CAPN3: variants seen among roughly 807,000 people sequenced by gnomAD.
CAPN3 encodes calpain-3.
Under a neutral mutation model 114.0 loss-of-function variants are expected in CAPN3, and 88 were observed. The ratio of observed to expected loss-of-function variants is 0.77; its 90% CI spans 0.65 to 0.92. The LOEUF is 0.92. Among genes scored for constraint, CAPN3 ranks in the 40% least tolerant of loss-of-function variants. The pLI, the probability that CAPN3 is intolerant of heterozygous loss-of-function variation, is 0.00. For missense variants in CAPN3, 1,028 were observed against 1,069.0 expected (o/e 0.96, Z 0.53); for synonymous variants, 386 against 382.9 (o/e 1.01, Z -0.09).
intron 5 of CAPN3, 124 bp from the exon 6 acceptor site, chr15:42,389,829 G>T: frequency 1.9e-6 from 2 of 1,052,206 alleles, no homozygotes; most frequent in Admixed American, 1.9e-5. Flanking sequence ...TTCGTGCTCT[G>T]TTGATCTCTC....
At chr15:42,410,767 G>C (rs2054192750) in intron 21 of CAPN3, 101 bp downstream of exon 21, 1 of 1,364,070 alleles carries the variant, frequency 7.3e-7, no homozygotes, top group South Asian at 1.2e-5. Flanking sequence ...AAAGGAGAGG[G>C]AAAGGGCTTC....
chr15:42,375,228 C>G (rs2053058196), intron 1 of CAPN3, among the ~76,000 whole-genome samples: 2 of 151,602 alleles, frequency 1.3e-5, no homozygotes, highest in Admixed American at 1.3e-4. Flanking sequence ...CTCACAGTTT[C>G]CGGGAGAGTT....
intron 1 of CAPN3, among the ~76,000 whole-genome samples, chr15:42,370,362 AAGT>A (rs2052911688): frequency 2.6e-5 from 4 of 152,212 alleles, no homozygotes; most frequent in Admixed American, 2.6e-4. Context: ...ACACAAAAAA[AAGT>A]TACTCCATGC....
rs1032500753 is a variant in CAPN3, at chr15:42,409,441, C to G, written c.1992+61C>G. 4.9e-6 allele frequency: 7 copies of G among 1,420,534 alleles called. No individual in the cohort carries two copies. In the East Asian group the frequency reaches 1.1e-4, roughly 23 times the overall value. The allele number at this position is 1,420,534 out of a possible 1,614,324, so 88.0% of individuals were successfully genotyped here. A position where few individuals can be genotyped will look rare whatever the true frequency, so the allele number is the denominator to read the frequency against. On this transcript the variant is annotated intron_variant, in intron 17 of 23. Coordinates refer to ENST00000397163, the MANE Select transcript of CAPN3 (RefSeq NM_000070.3). ...TTCCTTCTCTCCTGGATTAACTGCT[C>G]AGATTACCAATTATTTCATTATTGT... is the stretch of plus-strand genomic sequence containing the variant.
rs200379491 is a variant in CAPN3, at chr15:42,410,432, A to T, written c.2120A>T (p.Asp707Val). ...CRSMIALMDT[D>V]GSGKLNLQEF... is the part of the protein sequence containing the mutation. ...GCCCTGACCTCCCTCCTCCAGACAG[A>T]TGGCTCTGGAAAGCTCAACCTGCAG... Residue 707 changes from aspartate to valine, a missense_variant, in exon 20 of 24, where the codon GAT (aspartate) becomes GTT (valine). Asp to Val is a radical substitution (Grantham distance 152). Coordinates refer to ENST00000397163, the MANE Select transcript of CAPN3 (RefSeq NM_000070.3). 1.2e-6 allele frequency: 2 copies of T among 1,614,114 alleles called. No individual in the cohort carries two copies. The highest frequency in any genetic ancestry group is 1.7e-6 in the Non-Finnish European group (2 of 1,179,984).
At chr15:42,411,628 T>A (rs1414742685) in intron 23 of CAPN3, 119 bp from the exon 24 acceptor site, 2 of 746,902 alleles carry the variant, frequency 2.7e-6, no homozygotes, top group Non-Finnish European at 4.9e-6. Flanking sequence ...TGGAAAATCT[T>A]CTGGGGGTCT....
chr15:42,381,872 C>T (rs773016402), intron 1 of CAPN3, among the ~76,000 whole-genome samples: 3 of 152,138 alleles, frequency 2.0e-5, no homozygotes, highest in Admixed American at 6.6e-5. Flanking sequence ...TAACGAAATA[C>T]TGACTACTTA....
At chr15:42,369,224 G>A (rs2052868950) in intron 1 of CAPN3, among the ~76,000 whole-genome samples, 2 of 152,250 alleles carry the variant, frequency 1.3e-5, no homozygotes, top group East Asian at 1.9e-4. Flanking sequence ...TTTATCTTAC[G>A]GTTGGAATGT....
chr15:42,403,881 G>A (rs1169125375), intron 14 of CAPN3, 104 bp downstream of exon 14: 2 of 1,032,686 alleles, frequency 1.9e-6, no homozygotes, highest in Admixed American at 1.7e-5. Context: ...CAGAGGGAAT[G>A]GGAGTCTGGG....
intron 8 of CAPN3, 78 bp downstream of exon 8, chr15:42,394,419 T>C: frequency 8.9e-7 from 1 of 1,119,322 alleles, no homozygotes; most frequent in South Asian, 1.3e-5. Flanking sequence ...AACTGAGCCA[T>C]GAGAGTATTG....
chr15:42,394,226 G>C lies in CAPN3; in HGVS notation c.1030-30G>C, dbSNP rs938423133. ...AGATTCCCTTTCCAGAGAGGCTGCAGAGCATGAGAGCTCTTTCTGTGTGCT... is the reference window on the plus strand; with the variant it reads ...AGATTCCCTTTCCAGAGAGGCTGCACAGCATGAGAGCTCTTTCTGTGTGCT... On this transcript the variant is annotated intron_variant, in intron 7 of 23. Coordinates refer to ENST00000397163, the MANE Select transcript of CAPN3 (RefSeq NM_000070.3). 14 of 1,544,534 alleles carry C rather than the reference G, an allele frequency of 9.1e-6. No individual in the cohort carries two copies. Among genetic ancestry groups the C allele is most frequent in the African/African-American group, 2.7e-5 (2 of 72,950 alleles).
chr15:42,381,503 A>G (rs867084780), intron 1 of CAPN3, among the ~76,000 whole-genome samples: 2 of 152,188 alleles, frequency 1.3e-5, no homozygotes, highest in Admixed American at 6.6e-5. Context: ...AATATATTAC[A>G]TACTTTACAT....
chr15:42,412,290 C>A lies in CAPN3; in HGVS notation c.*517C>A. 1 of 1,089,064 alleles carries A rather than the reference C, an allele frequency of 9.2e-7. No individual in the cohort carries two copies. Among genetic ancestry groups the A allele is most frequent in the Non-Finnish European group, 1.3e-6 (1 of 753,966 alleles). The allele number at this position is 1,089,064 out of a possible 1,614,324, so 67.5% of individuals were successfully genotyped here. ...TGGCTGCATTTTGAAAAAAGCTGAT[C>A]TAAATAAAGGCATGTGTATGGCTGG... is the stretch of plus-strand genomic sequence containing the variant. On this transcript the variant is annotated 3_prime_UTR_variant, in exon 24 of 24. Coordinates refer to ENST00000397163, the MANE Select transcript of CAPN3 (RefSeq NM_000070.3).
chr15:42,403,176 C>T (rs2053923702), intron 13 of CAPN3, among the ~76,000 whole-genome samples, 174 bp downstream of exon 13: 1 of 152,220 alleles, frequency 6.6e-6, no homozygotes, highest in South Asian at 2.1e-4. Flanking sequence ...ATTTATTGAG[C>T]ACCTACTATG....
At chr15:42,407,397 T>C (rs1342341371) in intron 15 of CAPN3, among the ~76,000 whole-genome samples, 1 of 151,998 alleles carries the variant, frequency 6.6e-6, no homozygotes, top group Non-Finnish European at 1.5e-5. Flanking sequence ...GGCTTGATCT[T>C]GGCTCACTGC....
At chr15:42,366,531 T>C (rs988280243) in intron 1 of CAPN3, among the ~76,000 whole-genome samples, 1 of 152,234 alleles carries the variant, frequency 6.6e-6, no homozygotes, top group African/African-American at 2.4e-5. Flanking sequence ...GCTCACTTTC[T>C]GAACCCTTAA....
intron 8 of CAPN3, among the ~76,000 whole-genome samples, chr15:42,394,587 C>T (rs759527686): frequency 1.3e-5 from 2 of 152,014 alleles, no homozygotes. Flanking sequence ...TTCCAGAAAG[C>T]GTGGGGAAGG....
At chr15:42,394,202 G>T in intron 7 of CAPN3, 54 bp from the exon 8 acceptor site, 1 of 1,492,084 alleles carries the variant, frequency 6.7e-7, no homozygotes, top group Non-Finnish European at 9.2e-7. Flanking sequence ...CAAGACAGAA[G>T]ATTCCCTTTC....
Position 42,412,207 on chromosome 15 carries a change from G to A in CAPN3, c.*434G>A. On this transcript the variant is annotated 3_prime_UTR_variant, in exon 24 of 24. Transcript: ENST00000397163. ...ACCAGCACTGGGTTCTACTGCTGTG[G>A]GGTAAACTAACTCAGTGGAATAGGG... 6.5e-7 allele frequency: 1 copy of A among 1,535,240 alleles called. No homozygotes were observed. Among genetic ancestry groups the A allele is most frequent in the Non-Finnish European group, 8.7e-7 (1 of 1,146,170 alleles).
Sources: gnomAD v4.1 joint callset for allele counts (sites outside exome capture counted in the v4.1 genomes callset) on GRCh38, gnomAD v4.1.1 for gene constraint, MANE v1.5 for transcripts, NCBI Gene and HGNC (gene_info 2026-07-23, HGNC 2026-07-21) for gene names.